Variants in GPR158 observed in about 807,000 individuals in gnomAD.
The protein encoded by GPR158 is metabotropic glycine receptor.
Under a neutral mutation model 78.2 loss-of-function variants are expected in GPR158, and 30 were observed. That is an observed-to-expected ratio of 0.38 (90% CI 0.29 to 0.52). The LOEUF is 0.52. Among genes scored for constraint, GPR158 ranks in the 20% least tolerant of loss-of-function variants. The probability of loss-of-function intolerance (pLI) is 0.83; values close to 1 mark genes in which losing one functional copy is unlikely to be tolerated. For synonymous variants in GPR158, 581 were observed against 591.1 expected (o/e 0.98, Z 0.25); for missense variants, 1,463 against 1,523.5 (o/e 0.96, Z 0.66).
intron 4 of GPR158, among the ~76,000 whole-genome samples, chr10:25,432,892 C>T (rs1160204509): frequency 6.6e-6 from 1 of 152,140 alleles, no homozygotes; most frequent in South Asian, 2.1e-4. Flanking sequence ...AGTTTCTGTT[C>T]CAGTGTGGGG....
At chr10:25,331,132 G>A (rs1421112615) in intron 2 of GPR158, among the ~76,000 whole-genome samples, 1 of 152,020 alleles carries the variant, frequency 6.6e-6, no homozygotes, top group East Asian at 1.9e-4. Context: ...TAGAGACAGA[G>A]TCTCACTATG....
intron 4 of GPR158, among the ~76,000 whole-genome samples, chr10:25,422,943 A>C (rs1834771526): frequency 6.8e-6 from 1 of 147,686 alleles, no homozygotes. Flanking sequence ...TATGAGTGAG[A>C]ACATACAATG....
intron 2 of GPR158, among the ~76,000 whole-genome samples, chr10:25,237,964 C>A (rs555922235): frequency 1.3e-5 from 2 of 152,010 alleles, no homozygotes; most frequent in Non-Finnish European, 2.9e-5. Context: ...TTTCTTTGCC[C>A]GTCCTTCACT....
At position 25,241,280 on chromosome 10, in the gene GPR158, CTTT is replaced by C. The variant is rs1853614167; in HGVS notation, c.1008+20124_1008+20126del. On this transcript the variant is annotated intron_variant, in intron 2 of 10. Transcript: ENST00000376351. ...TTTCCTTTCTTTCTTTCCTTTCTTT[CTTT>C]CTTTTCTTTTCTTTTCTTTTCTTTT... is the stretch of plus-strand genomic sequence containing the variant. Among the ~76,000 whole-genome samples the C allele has an allele frequency of 1.1e-3, 27 of 24,626 alleles. 3 individuals carry two copies. Among genetic ancestry groups the C allele is most frequent in the Admixed American group, 6.1e-3 (16 of 2,604 alleles). 16.2% of individuals were successfully genotyped at this position (24,626 alleles called of 152,430 possible).
rs556384155 is a variant in GPR158 at position 25,594,981 on chromosome 10, T to C, written c.1998+584T>C. 3.9e-5 allele frequency among the ~76,000 whole-genome samples: 6 copies of C among 152,260 alleles called. No homozygotes were observed. The South Asian group carries it at 1.2e-3, about 32-fold the overall frequency. On this transcript the variant is annotated intron_variant, in intron 9 of 10. Transcript: ENST00000376351. Reference sequence around the variant, plus strand: ...AGGACTTTTGATTTTTTGTGTGTGATATAATAGTAAGGCTTCCTGAAATAA... The same window carrying C: ...AGGACTTTTGATTTTTTGTGTGTGACATAATAGTAAGGCTTCCTGAAATAA...
chr10:25,458,852 C>T (rs749437484), intron 4 of GPR158, among the ~76,000 whole-genome samples: 35 of 152,170 alleles, frequency 2.3e-4, no homozygotes, highest in Non-Finnish European at 4.0e-4. Context: ...CTTATCTCTT[C>T]ATTTTTATGA....
intron 5 of GPR158, among the ~76,000 whole-genome samples, chr10:25,542,823 C>CAAAAAA (rs5783943): frequency 2.4e-4 from 23 of 94,278 alleles, no homozygotes; most frequent in African/African-American, 6.6e-4. Flanking sequence ...AACTCCATCT[C>CAAAAAA]AAAAAAAAAA....
chr10:25,247,464 C>A (rs892729583), intron 2 of GPR158, among the ~76,000 whole-genome samples: 1 of 102,242 alleles, frequency 9.8e-6, no homozygotes, highest in African/African-American at 3.8e-5. Flanking sequence ...ATCCCTCCCC[C>A]CTCCCCCCAC....
chr10:25,243,100 A>G (rs919734469), intron 2 of GPR158, among the ~76,000 whole-genome samples: 2 of 152,258 alleles, frequency 1.3e-5, no homozygotes, highest in South Asian at 2.1e-4. Flanking sequence ...ACGGCCCTTA[A>G]GGCCATCTGC....
intron 2 of GPR158, among the ~76,000 whole-genome samples, chr10:25,371,523 AC>A (rs1444374862): frequency 1.3e-5 from 2 of 151,160 alleles, no homozygotes; most frequent in African/African-American, 4.9e-5. Flanking sequence ...AATCAATGGA[AC>A]AGAACAGAGC....
At chr10:25,525,784 G>A (rs1254599215) in intron 5 of GPR158, among the ~76,000 whole-genome samples, 1 of 152,052 alleles carries the variant, frequency 6.6e-6, no homozygotes, top group Non-Finnish European at 1.5e-5. Flanking sequence ...AATGATATAT[G>A]AATTACACTG....
At chr10:25,238,648 G>A (rs891202401) in intron 2 of GPR158, among the ~76,000 whole-genome samples, 9 of 152,212 alleles carry the variant, frequency 5.9e-5, no homozygotes, top group Admixed American at 1.3e-4. Context: ...TTTCTAGCTC[G>A]CCTAGTTCTG....
chr10:25,548,815 C>T (rs1836696086), intron 5 of GPR158, among the ~76,000 whole-genome samples: 1 of 152,108 alleles, frequency 6.6e-6, no homozygotes, highest in Non-Finnish European at 1.5e-5. Context: ...AAAACTTATA[C>T]CTCCACCATG....
chr10:25,225,618 T>G (rs1347119405), intron 2 of GPR158, among the ~76,000 whole-genome samples: 2 of 152,156 alleles, frequency 1.3e-5, no homozygotes, highest in Non-Finnish European at 2.9e-5. Flanking sequence ...GAAGTTCTAG[T>G]ATTTTCTTTT....
intron 2 of GPR158, among the ~76,000 whole-genome samples, chr10:25,302,405 A>T (rs985302923): frequency 2.6e-5 from 4 of 152,090 alleles, no homozygotes; most frequent in Admixed American, 2.6e-4. Flanking sequence ...TTTATTGCTG[A>T]ATAGTAATCT....
At chr10:25,297,821 G>A (rs1713025710) in intron 2 of GPR158, among the ~76,000 whole-genome samples, 1 of 152,166 alleles carries the variant, frequency 6.6e-6, no homozygotes, top group African/African-American at 2.4e-5. Context: ...CTTTAGATGA[G>A]CAAGGACACC....
chr10:25,537,549 C>T (rs1836516695), intron 5 of GPR158, among the ~76,000 whole-genome samples: 1 of 152,020 alleles, frequency 6.6e-6, no homozygotes, highest in African/African-American at 2.4e-5. Flanking sequence ...TATGTATATA[C>T]ACACATACAA....
chr10:25,592,423 A>AT (rs952865742), intron 8 of GPR158, among the ~76,000 whole-genome samples: 6 of 151,974 alleles, frequency 3.9e-5, no homozygotes, highest in African/African-American at 1.4e-4. Context: ...AAGTGTGTTT[A>AT]TTTTTAACCT....
At chr10:25,397,579 C>CT (rs1554800305) in intron 3 of GPR158, among the ~76,000 whole-genome samples, 1 of 152,130 alleles carries the variant, frequency 6.6e-6, no homozygotes, top group Non-Finnish European at 1.5e-5. Flanking sequence ...TTATACAGTT[C>CT]TTTTTCTCTC....
Sources: gnomAD v4.1 joint callset for allele counts (sites outside exome capture counted in the v4.1 genomes callset) on GRCh38, gnomAD v4.1.1 for gene constraint, MANE v1.5 for transcripts, NCBI Gene and HGNC (gene_info 2026-07-23, HGNC 2026-07-21) for gene names.